The following SYN2 variants were observed in gnomAD, a reference collection of about 807,000 sequenced individuals.
The protein encoded by SYN2 is synapsin II.
SYN2 carries 19 observed loss-of-function variants against 50.9 expected under a neutral mutation model. The observed-to-expected ratio is 0.37, with a 90% CI of 0.26 to 0.55. The LOEUF (loss-of-function observed/expected upper bound fraction) is 0.55, where lower values mean the gene tolerates loss of function less well. Among genes scored for constraint, SYN2 ranks in the 20% least tolerant of loss-of-function variants. The probability of loss-of-function intolerance (pLI) is 0.81; values close to 1 mark genes in which losing one functional copy is unlikely to be tolerated. For missense variants in SYN2, 587 were observed against 576.4 expected (o/e 1.02, Z -0.19); for synonymous variants, 255 against 224.9 (o/e 1.13, Z -1.20).
At chr3:12,013,207 G>T (rs307564) in intron 1 of SYN2, among the ~76,000 whole-genome samples, 97,611 of 152,078 alleles carry the variant, frequency 0.64, 33,840 homozygotes, top group South Asian at 0.78. Flanking sequence ...GGCCCCAAGT[G>T]ATCCTCCTGC....
intron 7 of SYN2, among the ~76,000 whole-genome samples, chr3:12,164,378 C>T (rs936206042): frequency 1.3e-5 from 2 of 152,142 alleles, no homozygotes; most frequent in African/African-American, 2.4e-5. Flanking sequence ...CTTTAGATAA[C>T]ATTTATTTAC....
At chr3:12,020,323 C>A (rs1026477327) in intron 1 of SYN2, among the ~76,000 whole-genome samples, 1 of 144,344 alleles carries the variant, frequency 6.9e-6, no homozygotes. Context: ...CCTCTTCCCC[C>A]CCACCCTGGC....
chr3:12,006,530 C>T (rs1693804557), intron 1 of SYN2, among the ~76,000 whole-genome samples: 1 of 152,188 alleles, frequency 6.6e-6, no homozygotes, highest in South Asian at 2.1e-4. Flanking sequence ...TATCTCATTG[C>T]ATTTTCTTCA....
At chr3:12,140,835 C>A in intron 2 of SYN2, 127 bp downstream of exon 2, 1 of 694,190 alleles carries the variant, frequency 1.4e-6, no homozygotes, top group South Asian at 1.5e-5. Flanking sequence ...CTCTGCATCT[C>A]CTCTCTCTCC....
At chr3:12,099,989 AGT>A (rs1696036798) in intron 1 of SYN2, among the ~76,000 whole-genome samples, 1 of 150,652 alleles carries the variant, frequency 6.6e-6, no homozygotes, top group African/African-American at 2.4e-5. Flanking sequence ...AAAAAAAAGA[AGT>A]GCCTACAGTG....
rs774987678 is a variant in SYN2, at chr3:12,187,498, G to A, written c.1499G>A (p.Arg500Gln). 69 of 1,553,048 alleles carry A rather than the reference G, an allele frequency of 4.4e-5. No homozygotes were observed. Among genetic ancestry groups the A allele is most frequent in the Middle Eastern group, 3.3e-4 (2 of 5,998 alleles). ...SSSSSSSAPQ[R>Q]PGGPTTHGDA... ...TCTTCCTCCTCCTCGGCTCCTCAGCGGCCGGGCGGCCCCACCACCCACGGA... is the reference window on the plus strand; with the variant it reads ...TCTTCCTCCTCCTCGGCTCCTCAGCAGCCGGGCGGCCCCACCACCCACGGA... The change falls in exon 12 of 13, where the codon CGG (arginine) becomes CAG (glutamine). Residue 500 changes from arginine to glutamine, a missense_variant. Arg to Gln is a conservative substitution (Grantham distance 43). Coordinates refer to ENST00000621198, the MANE Select transcript of SYN2 (RefSeq NM_133625.6).
intron 1 of SYN2, among the ~76,000 whole-genome samples, chr3:12,134,029 G>A (rs1363488691): frequency 1.3e-5 from 2 of 152,204 alleles, no homozygotes; most frequent in Non-Finnish European, 2.9e-5. Flanking sequence ...ATAGATAGTG[G>A]TGGTGGTTGC....
chr3:12,121,448 C>T (rs1696554838), intron 1 of SYN2, among the ~76,000 whole-genome samples: 1 of 152,050 alleles, frequency 6.6e-6, no homozygotes, highest in Non-Finnish European at 1.5e-5. Flanking sequence ...TATTTGTTTA[C>T]CACTAGACTA....
intron 1 of SYN2, among the ~76,000 whole-genome samples, chr3:12,025,040 C>A (rs1019359178): frequency 6.6e-6 from 1 of 152,154 alleles, no homozygotes; most frequent in Non-Finnish European, 1.5e-5. Flanking sequence ...AGGGTGCCAG[C>A]GTGATTGGGT....
intron 1 of SYN2, among the ~76,000 whole-genome samples, chr3:12,050,760 G>C (rs1179360322): frequency 9.8e-6 from 1 of 102,348 alleles, no homozygotes; most frequent in African/African-American, 3.4e-5. Context: ...ACGGAGTCTC[G>C]CTCTGTCGCC....
chr3:12,108,093 C>T (rs975061371), intron 1 of SYN2, among the ~76,000 whole-genome samples: 1 of 152,034 alleles, frequency 6.6e-6, no homozygotes, highest in African/African-American at 2.4e-5. Flanking sequence ...GCCTGTGGTC[C>T]CAGTTACTCA....
Position 12,190,798 on chromosome 3 carries a change from C to A in SYN2, c.*173C>A. 7.3e-7 allele frequency: 1 copy of A among 1,377,762 alleles called. No homozygotes were observed. Among genetic ancestry groups the A allele is most frequent in the South Asian group, 1.8e-5 (1 of 55,484 alleles). The allele number at this position is 1,377,762 out of a possible 1,614,324, so 85.3% of individuals were successfully genotyped here. A position where few individuals can be genotyped will look rare whatever the true frequency, so the allele number is the denominator to read the frequency against. On this transcript the variant is annotated 3_prime_UTR_variant, in exon 13 of 13. Transcript: ENST00000621198. ...AGCCCAGAAAGGACCATTTGACAGT[C>A]TCAGGGCAGGTGCCTACCCAGCAAG...
chr3:12,096,642 T>A (rs1397966686), intron 1 of SYN2, among the ~76,000 whole-genome samples: 2 of 151,982 alleles, frequency 1.3e-5, no homozygotes, highest in Non-Finnish European at 2.9e-5. Context: ...AAACTATATC[T>A]AAAAAACTAA....
intron 1 of SYN2, among the ~76,000 whole-genome samples, chr3:12,117,581 C>A (rs965984503): frequency 8.5e-5 from 13 of 152,204 alleles, no homozygotes; most frequent in African/African-American, 3.1e-4. Flanking sequence ...AGAACTAACT[C>A]TATCCCAACT....
intron 1 of SYN2, among the ~76,000 whole-genome samples, chr3:12,121,527 A>C (rs1696556878): frequency 6.6e-6 from 1 of 152,006 alleles, no homozygotes; most frequent in African/African-American, 2.4e-5. Flanking sequence ...TTTGCTGTAC[A>C]TAAGGCCTTA....
rs1024106632 is a variant in SYN2 at position 12,167,471 on chromosome 3, TGATGATAGAGAAA to T, written c.1055+174_1055+186del. On this transcript the variant is annotated intron_variant, in intron 8 of 12. Coordinates refer to ENST00000621198, the MANE Select transcript of SYN2 (RefSeq NM_133625.6). ...CCCATTTAGCAAGATCAGGCAGGAC[TGATGATAGAGAAA>T]GATGATAGAGTTAAAGACTGCACAT... 5.0e-4 allele frequency among the ~76,000 whole-genome samples: 76 copies of T among 152,230 alleles called. 1 individual carries two copies. Among genetic ancestry groups the T allele is most frequent in the African/African-American group, 1.6e-3 (68 of 41,542 alleles).
At chr3:12,044,587 G>A (rs1694696285) in intron 1 of SYN2, among the ~76,000 whole-genome samples, 1 of 152,132 alleles carries the variant, frequency 6.6e-6, no homozygotes, top group African/African-American at 2.4e-5. Flanking sequence ...CTGAAAATAG[G>A]AGGAATCCTT....
intron 1 of SYN2, among the ~76,000 whole-genome samples, chr3:12,072,664 ATTTATGTT>A (rs1412858865): frequency 1.3e-5 from 2 of 152,084 alleles, no homozygotes; most frequent in Non-Finnish European, 2.9e-5. Context: ...GGTTTCTCCT[ATTTATGTT>A]TTTAGCTTCC....
intron 1 of SYN2, among the ~76,000 whole-genome samples, chr3:12,127,816 A>AGG (rs1696704197): frequency 6.6e-6 from 1 of 152,218 alleles, no homozygotes; most frequent in Non-Finnish European, 1.5e-5. Flanking sequence ...GAATGTGAGG[A>AGG]GATCTCTTTT....
Sources: allele counts gnomAD v4.1 joint callset (sites outside exome capture counted in the v4.1 genomes callset), GRCh38; gene constraint gnomAD v4.1.1; transcripts MANE v1.5; gene names NCBI Gene and HGNC (gene_info 2026-07-23, HGNC 2026-07-21).